The following TACC1 variants were observed in gnomAD, a reference collection of about 807,000 sequenced individuals.
TACC1 encodes transforming acidic coiled-coil containing protein 1, also known as transforming acidic coiled-coil-containing protein 1.
Under a neutral mutation model 84.4 loss-of-function variants are expected in TACC1, and 48 were observed. That is an observed-to-expected ratio of 0.57 (90% CI 0.45 to 0.72). The LOEUF (loss-of-function observed/expected upper bound fraction) is 0.72. Ranked by LOEUF, TACC1 falls within the 30% of genes least tolerant of loss-of-function variation. The pLI is 0.00. For missense variants in TACC1, 920 were observed against 973.0 expected (o/e 0.95, Z 0.72); for synonymous variants, 372 against 376.3 (o/e 0.99, Z 0.13).
intron 3 of TACC1, among the ~76,000 whole-genome samples, chr8:38,772,256 C>T (rs751887974): frequency 2.0e-5 from 3 of 152,168 alleles, no homozygotes; most frequent in African/African-American, 7.2e-5. Context: ...ACTGTGTTTA[C>T]AAATGTGAAT....
intron 3 of TACC1, among the ~76,000 whole-genome samples, chr8:38,755,753 A>AAC (rs1554496269): frequency 6.0e-5 from 5 of 82,780 alleles, no homozygotes; most frequent in South Asian, 3.2e-4. Context: ...CAACAACAAC[A>AAC]GAGTGTTCCT....
rs563181157 is a variant in TACC1, at chr8:38,833,521, C to CT, written c.1713+2345dup. 1.3e-3 allele frequency among the ~76,000 whole-genome samples: 196 copies of CT among 152,264 alleles called. 1 individual carries two copies. Among genetic ancestry groups the CT allele is most frequent in the Non-Finnish European group, 2.1e-3 (145 of 68,014 alleles). ...TGTGGCCAGGCAGAGAGGAGAGTGGCTGGGGAGAGTCGGCAGGCTGAAGAG... is the reference window on the plus strand; with the variant it reads ...TGTGGCCAGGCAGAGAGGAGAGTGGCTTGGGGAGAGTCGGCAGGCTGAAGAG... On this transcript the variant is annotated intron_variant, in intron 6 of 12. Coordinates refer to ENST00000317827, the MANE Select transcript of TACC1 (RefSeq NM_006283.3).
intron 7 of TACC1, among the ~76,000 whole-genome samples, chr8:38,836,789 A>G (rs1444567601): frequency 6.6e-6 from 1 of 152,210 alleles, no homozygotes; most frequent in Non-Finnish European, 1.5e-5. Flanking sequence ...GAAAAATACG[A>G]AAGACACTGT....
intron 2 of TACC1, among the ~76,000 whole-genome samples, chr8:38,810,388 G>A (rs1315906813): frequency 6.6e-6 from 1 of 152,006 alleles, no homozygotes; most frequent in South Asian, 2.1e-4. Flanking sequence ...ATCAGTTGAG[G>A]CCAGGAGTTT....
chr8:38,802,782 A>G (rs1173777742), intron 2 of TACC1, among the ~76,000 whole-genome samples: 1 of 152,164 alleles, frequency 6.6e-6, no homozygotes, highest in Non-Finnish European at 1.5e-5. Context: ...AGAGAGAAAG[A>G]GAAAAGGAGG....
chr8:38,787,804 C>T lies in TACC1; in HGVS notation c.161+61C>T, dbSNP rs1050384898. ...GCTTGCCTCCATCCATCTGCGACTC[C>T]CTCTGTGTGCGTGTGTGTGGTCGCC... On this transcript the variant is annotated intron_variant, in intron 1 of 12. Coordinates refer to ENST00000317827, the MANE Select transcript of TACC1 (RefSeq NM_006283.3). 1.7e-5 allele frequency: 24 copies of T among 1,409,298 alleles called. No homozygotes were observed. The South Asian group carries it at 2.4e-4, about 14-fold the overall frequency. The allele number at this position is 1,409,298 out of a possible 1,614,324, so 87.3% of individuals were successfully genotyped here. A position where few individuals can be genotyped will look rare whatever the true frequency, so the allele number is the denominator to read the frequency against.
rs796485168 is a variant in TACC1 at position 38,837,573 on chromosome 8, G to A, written c.1840-897G>A. Among the ~76,000 whole-genome samples the A allele has an allele frequency of 7.9e-5, 12 of 152,272 alleles. 1 individual carries two copies. The highest frequency in any genetic ancestry group is 2.9e-4 in the African/African-American group (12 of 41,550). On this transcript the variant is annotated intron_variant, in intron 7 of 12. Transcript: ENST00000317827. The stretch of plus-strand genomic sequence containing the variant: ...CCTGAGTAGCTGGGACTGCAAGCAC[G>A]CACCACTGTCCCTGGCCAAAATCTT...
At chr8:38,843,945 T>G (rs1383229327) in intron 11 of TACC1, among the ~76,000 whole-genome samples, 2 of 152,212 alleles carry the variant, frequency 1.3e-5, no homozygotes, top group African/African-American at 4.8e-5. Context: ...GAAAAGGAAT[T>G]GCTAGACCAA....
intron 3 of TACC1, among the ~76,000 whole-genome samples, chr8:38,780,158 C>T (rs1364979655): frequency 6.6e-6 from 1 of 152,198 alleles, no homozygotes; most frequent in Admixed American, 6.5e-5. Context: ...CTACAGAGCT[C>T]TGATAGATTC....
chr8:38,840,418 A>G, intron 9 of TACC1, 151 bp downstream of exon 9: 2 of 629,304 alleles, frequency 3.2e-6, no homozygotes, highest in South Asian at 4.1e-5. Flanking sequence ...AGGTGCCCAC[A>G]GATGAGATGT....
chr8:38,782,718 A>G (rs1031279666), upstream of TACC1, among the ~76,000 whole-genome samples: 11 of 152,216 alleles, frequency 7.2e-5, no homozygotes, highest in Non-Finnish European at 1.2e-4. Context: ...GACCAAACAT[A>G]TCTATTGGAA....
At position 38,821,560 on chromosome 8, in the gene TACC1, T is replaced by G. The variant is rs75237177; in HGVS notation, c.1391+925T>G. 1.4e-4 allele frequency among the ~76,000 whole-genome samples: 21 copies of G among 152,344 alleles called. No homozygotes were observed. The East Asian group carries it at 4.0e-3, about 29-fold the overall frequency. Reference sequence around the variant, plus strand: ...ATTTCAATAAGAATCAAGAATATTTTAAATGATCAGTTAAAACTGAGTAAA... The same window carrying G: ...ATTTCAATAAGAATCAAGAATATTTGAAATGATCAGTTAAAACTGAGTAAA... On this transcript the variant is annotated intron_variant, in intron 3 of 12. Coordinates refer to ENST00000317827, the MANE Select transcript of TACC1 (RefSeq NM_006283.3).
chr8:38,833,330 C>T (rs533229637), intron 6 of TACC1, among the ~76,000 whole-genome samples: 1 of 152,330 alleles, frequency 6.6e-6, no homozygotes, highest in South Asian at 2.1e-4. Context: ...CCCTTGGACA[C>T]CCCTGTGAAA....
rs186533013 is a variant in TACC1, at chr8:38,735,247, G to A, written c.-675+6576G>A. Among the ~76,000 whole-genome samples the A allele has an allele frequency of 1.2e-4, 18 of 152,304 alleles. No individual in the cohort carries two copies. The East Asian group carries it at 3.5e-3, about 29-fold the overall frequency. On this transcript the variant is annotated intron_variant, in intron 1 of 14. Transcript: ENST00000518415. Reference sequence around the variant, plus strand: ...TTGGAAAATGAGGCTTAAGACAGGTGGGGAGTTGCCTTGGGTCACAGAGCA... The same window carrying A: ...TTGGAAAATGAGGCTTAAGACAGGTAGGGAGTTGCCTTGGGTCACAGAGCA...
At chr8:38,804,597 G>A (rs1267632403) in intron 2 of TACC1, among the ~76,000 whole-genome samples, 2 of 152,060 alleles carry the variant, frequency 1.3e-5, no homozygotes, top group Admixed American at 1.3e-4. Flanking sequence ...CACTGTGCCC[G>A]GCCTGTTGCA....
At chr8:38,740,964 G>T (rs544883473) in intron 1 of TACC1, among the ~76,000 whole-genome samples, 4 of 152,210 alleles carry the variant, frequency 2.6e-5, no homozygotes, top group African/African-American at 9.6e-5. Context: ...TCTCTGGCTC[G>T]CGAGTATCCT....
upstream of TACC1, chr8:38,785,621 A>G (rs530813859): frequency 1.6e-5 from 14 of 867,980 alleles, no homozygotes; most frequent in Admixed American, 4.3e-4. Context: ...CAGGAGGAAG[A>G]ACAGGTCCTA....
intron 1 of TACC1, among the ~76,000 whole-genome samples, chr8:38,732,435 A>AACAAC (rs1294781769): frequency 6.6e-6 from 1 of 151,838 alleles, no homozygotes; most frequent in Non-Finnish European, 1.5e-5. Context: ...ACAACAACAA[A>AACAAC]AAAAAACCCA....
At chr8:38,834,725 T>C (rs1829892031) in intron 6 of TACC1, among the ~76,000 whole-genome samples, 1 of 152,172 alleles carries the variant, frequency 6.6e-6, no homozygotes, top group South Asian at 2.1e-4. Flanking sequence ...TAAAATTCTG[T>C]TTCTGAGCAT....
Sources: gnomAD v4.1 joint callset for allele counts (sites outside exome capture counted in the v4.1 genomes callset) on GRCh38, gnomAD v4.1.1 for gene constraint, MANE v1.5 for transcripts, NCBI Gene and HGNC (gene_info 2026-07-23, HGNC 2026-07-21) for gene names.